Variants in MYT1L observed in about 807,000 individuals in gnomAD.
MYT1L encodes myelin transcription factor 1-like protein.
MYT1L carries 12 observed loss-of-function variants against 126.7 expected under a neutral mutation model. The observed-to-expected ratio is 0.09, with a 90% CI of 0.06 to 0.15. The LOEUF (loss-of-function observed/expected upper bound fraction) is 0.15. Ranked by LOEUF, MYT1L falls within the 10% of genes least tolerant of loss-of-function variation. MYT1L has a pLI of 1.00. For missense variants in MYT1L, 979 were observed against 1,585.2 expected, an observed-to-expected ratio of 0.62 and a Z score of 6.49; for synonymous variants, 541 against 604.2, an observed-to-expected ratio of 0.90 and a Z score of 1.53.
chr2:2,075,919 A>G (rs1464914012), intron 3 of MYT1L, among the ~76,000 whole-genome samples: 1 of 152,248 alleles, frequency 6.6e-6, no homozygotes, highest in East Asian at 1.9e-4. Flanking sequence ...AGCCGGTGAC[A>G]TTGAAAACAA....
chr2:1,987,324 T>TA lies in MYT1L; in HGVS notation c.1-7548_1-7547insT, dbSNP rs532735523. 1.6e-4 allele frequency among the ~76,000 whole-genome samples: 25 copies of TA among 152,168 alleles called. No individual in the cohort carries two copies. The South Asian group carries it at 5.2e-3, about 32-fold the overall frequency. Reference sequence around the variant, plus strand: ...CCTTGATTTCTGTTTTTTTTGTTTTTTTTTTTCTGTTTTTTGTTTTTTTCT... The same window carrying TA: ...CCTTGATTTCTGTTTTTTTTGTTTTTATTTTTTCTGTTTTTTGTTTTTTTCT... On this transcript the variant is annotated intron_variant, in intron 5 of 24. Transcript: ENST00000647738.
intron 4 of MYT1L, among the ~76,000 whole-genome samples, chr2:2,010,022 T>C (rs145226814): frequency 3.3e-5 from 5 of 152,266 alleles, no homozygotes; most frequent in Non-Finnish European, 7.4e-5. Flanking sequence ...ATCACATTGA[T>C]TGATTTGCAT....
At chr2:1,816,439 G>A (rs905940184) in intron 21 of MYT1L, 1 of 152,608 alleles carries the variant, frequency 6.6e-6, no homozygotes, top group African/African-American at 2.4e-5. Context: ...ACCCCCAGAG[G>A]AGAGAGGGAG....
intron 11 of MYT1L, among the ~76,000 whole-genome samples, chr2:1,916,534 C>T (rs1044434950): frequency 8.6e-5 from 13 of 152,022 alleles, no homozygotes; most frequent in African/African-American, 2.9e-4. Flanking sequence ...AAAGGATAAA[C>T]AAAAAAAGAT....
At chr2:2,046,369 T>C (rs993969866) in intron 4 of MYT1L, among the ~76,000 whole-genome samples, 1 of 152,242 alleles carries the variant, frequency 6.6e-6, no homozygotes, top group African/African-American at 2.4e-5. Context: ...AAATTTATCA[T>C]GCTCCATTAC....
At chr2:1,872,257 C>T (rs544506637) in intron 18 of MYT1L, among the ~76,000 whole-genome samples, 1 of 152,324 alleles carries the variant, frequency 6.6e-6, no homozygotes, top group African/African-American at 2.4e-5. Context: ...TGAAAAGTGC[C>T]TCCGTTTCCA....
intron 18 of MYT1L, among the ~76,000 whole-genome samples, chr2:1,869,868 C>A (rs958725392): frequency 6.6e-6 from 1 of 152,336 alleles, no homozygotes; most frequent in East Asian, 1.9e-4. Flanking sequence ...GGGCCAGTGT[C>A]TGCTCACTAT....
intron 2 of MYT1L, among the ~76,000 whole-genome samples, chr2:2,174,947 C>A (rs373800678): frequency 2.6e-4 from 39 of 152,138 alleles, no homozygotes; most frequent in African/African-American, 9.4e-4. Context: ...AAGTAAGAAT[C>A]CCACTGCTGT....
At chr2:2,008,071 C>T (rs533834541) in intron 4 of MYT1L, among the ~76,000 whole-genome samples, 1 of 152,302 alleles carries the variant, frequency 6.6e-6, no homozygotes, top group South Asian at 2.1e-4. Context: ...ATGTCTGACA[C>T]CCATGGCTCC....
chr2:2,042,787 C>T (rs769389805), intron 4 of MYT1L, among the ~76,000 whole-genome samples: 26 of 152,226 alleles, frequency 1.7e-4, no homozygotes, highest in South Asian at 6.2e-4. Flanking sequence ...AAGCCTCAAA[C>T]GCCCGGCATG....
intron 2 of MYT1L, among the ~76,000 whole-genome samples, chr2:2,237,463 G>T (rs547645585): frequency 6.6e-6 from 1 of 152,302 alleles, no homozygotes; most frequent in South Asian, 2.1e-4. Flanking sequence ...CAGTATGAGG[G>T]ATGTGATTTT....
chr2:2,193,251 T>C (rs1269337407), intron 2 of MYT1L, among the ~76,000 whole-genome samples: 1 of 152,194 alleles, frequency 6.6e-6, no homozygotes, highest in Admixed American at 6.5e-5. Flanking sequence ...GTGCCAGGAT[T>C]ACAGGCATGA....
intron 2 of MYT1L, among the ~76,000 whole-genome samples, chr2:2,278,784 G>A (rs2095405461): frequency 6.6e-6 from 1 of 152,154 alleles, no homozygotes; most frequent in Non-Finnish European, 1.5e-5. Flanking sequence ...TTAACACCAT[G>A]TATTTCTTCT....
chr2:2,312,365 C>T (rs2095986740), intron 1 of MYT1L, among the ~76,000 whole-genome samples: 2 of 152,142 alleles, frequency 1.3e-5, no homozygotes, highest in African/African-American at 4.8e-5. Context: ...AATCCTAGCA[C>T]TTTGAGAGGC....
intron 2 of MYT1L, among the ~76,000 whole-genome samples, chr2:2,248,902 C>T (rs1446921161): frequency 6.6e-6 from 1 of 152,080 alleles, no homozygotes; most frequent in Admixed American, 6.5e-5. Context: ...ATGACAGACT[C>T]ACAGCTAGTA....
rs143837298 is a variant in MYT1L, at chr2:2,272,969, C to T, written c.-421+11435G>A. Among the ~76,000 whole-genome samples, 706 of 152,264 alleles carry T rather than the reference C, an allele frequency of 4.6e-3. 7 individuals carry two copies. Among genetic ancestry groups the T allele is most frequent in the African/African-American group, 0.016 (679 of 41,554 alleles). Reference sequence around the variant, plus strand: ...CTGCAGCCCCTGGCTCCCTTCTCTCCACTCCAGCTCCTTCTCCACCTGCAG... The same window carrying T: ...CTGCAGCCCCTGGCTCCCTTCTCTCTACTCCAGCTCCTTCTCCACCTGCAG... On this transcript the variant is annotated intron_variant, in intron 2 of 24. Coordinates refer to ENST00000647738, the MANE Select transcript of MYT1L (RefSeq NM_001303052.2).
intron 3 of MYT1L, among the ~76,000 whole-genome samples, chr2:2,102,359 GT>G (rs1158216484): frequency 2.6e-5 from 4 of 152,144 alleles, no homozygotes; most frequent in Non-Finnish European, 5.9e-5. Context: ...CTTTTCAAAT[GT>G]TTATAGGTAA....
chr2:2,232,049 T>C (rs1048363542), intron 2 of MYT1L, among the ~76,000 whole-genome samples: 3 of 152,256 alleles, frequency 2.0e-5, no homozygotes, highest in African/African-American at 7.2e-5. Flanking sequence ...TCCACAATTA[T>C]GCAAAGGCTT....
chr2:1,815,313 C>T (rs547329993), intron 21 of MYT1L, among the ~76,000 whole-genome samples: 2 of 152,308 alleles, frequency 1.3e-5, no homozygotes, highest in Non-Finnish European at 2.9e-5. Context: ...CTTCGCTGAG[C>T]AGCATCAACA....
Sources: allele counts gnomAD v4.1 joint callset (sites outside exome capture counted in the v4.1 genomes callset), GRCh38; gene constraint gnomAD v4.1.1; transcripts MANE v1.5; gene names NCBI Gene and HGNC (gene_info 2026-07-23, HGNC 2026-07-21).